OTOA: variants seen among roughly 807,000 people sequenced by gnomAD.
OTOA encodes the protein otoancorin.
In OTOA, 70 loss-of-function variants were observed where a neutral mutation model predicts 110.8. That is an observed-to-expected ratio of 0.63 (90% CI 0.52 to 0.77). The LOEUF (loss-of-function observed/expected upper bound fraction) is 0.77, where lower values mean the gene tolerates loss of function less well. Ranked by LOEUF, OTOA falls within the 30% of genes least tolerant of loss-of-function variation. The pLI is 0.00. For synonymous variants in OTOA, 373 were observed against 431.5 expected, an observed-to-expected ratio of 0.86 and a Z score of 1.68; for missense variants, 917 against 1,075.8, an observed-to-expected ratio of 0.85 and a Z score of 2.06.
intron 1 of OTOA, among the ~76,000 whole-genome samples, chr16:21,671,360 G>A (rs1046622284): frequency 1.3e-5 from 2 of 151,954 alleles, no homozygotes; most frequent in Non-Finnish European, 2.9e-5. Flanking sequence ...GCCAAAGTGG[G>A]TGGATCACTT....
chr16:21,710,135 C>T, intron 13 of OTOA, 32 bp downstream of exon 13: 1 of 1,559,832 alleles, frequency 6.4e-7, no homozygotes, highest in East Asian at 2.3e-5. Context: ...TTTTTTATTC[C>T]CCTAAGATGA....
intron 10 of OTOA, among the ~76,000 whole-genome samples, 194 bp downstream of exon 10, chr16:21,698,069 T>C (rs1363795682): frequency 6.6e-6 from 1 of 152,168 alleles, no homozygotes; most frequent in Non-Finnish European, 1.5e-5. Flanking sequence ...GGGATTGTTT[T>C]AGTGTGGAAG....
At chr16:21,734,665 T>C (rs925863620) in intron 21 of OTOA, among the ~76,000 whole-genome samples, 3 of 151,788 alleles carry the variant, frequency 2.0e-5, no homozygotes, top group Non-Finnish European at 4.4e-5. Flanking sequence ...TGAAACCCCG[T>C]CTCTACTAAA....
intron 9 of OTOA, among the ~76,000 whole-genome samples, chr16:21,692,376 TA>T (rs2141666259): frequency 6.6e-6 from 1 of 151,954 alleles, no homozygotes; most frequent in Admixed American, 6.6e-5. Flanking sequence ...TTAGGAAATC[TA>T]GGCAATAAAA....
In OTOA at chr16:21,664,191, GCC is replaced by G. The variant is rs1966822564; in HGVS notation, c.-44_-43del. 6.6e-6 allele frequency: 1 copy of G among 152,092 alleles called. No individual in the cohort carries two copies. Among genetic ancestry groups the G allele is most frequent in the South Asian group, 2.1e-4 (1 of 4,848 alleles). The allele number at this position is 152,092 out of a possible 1,614,324, so 9.4% of individuals were successfully genotyped here. A position where few individuals can be genotyped will look rare whatever the true frequency, so the allele number is the denominator to read the frequency against. On this transcript the variant is annotated 5_prime_UTR_variant, in exon 1 of 29. Coordinates refer to ENST00000646100, the MANE Select transcript of OTOA (RefSeq NM_144672.4). ...CCCGCGGCCCCGCCCTGCGCCACCC[GCC>G]CGCCCGTGGGACTCAGTGCGGCCAA...
At chr16:21,703,920 G>A (rs1469641868) in intron 11 of OTOA, among the ~76,000 whole-genome samples, 1 of 152,158 alleles carries the variant, frequency 6.6e-6, no homozygotes, top group Middle Eastern at 3.4e-3. Flanking sequence ...GATGTGCTAC[G>A]ATGAACAAAG....
In OTOA at chr16:21,705,293, G is replaced by T. The variant is rs1239011229; in HGVS notation, c.1104+1G>T. 6.2e-7 allele frequency: 1 copy of T among 1,613,700 alleles called. No individual in the cohort carries two copies. Among genetic ancestry groups the T allele is most frequent in the South Asian group, 1.1e-5 (1 of 91,048 alleles). On this transcript the variant is annotated splice_donor_variant, in intron 12 of 28. Coordinates refer to ENST00000646100, the MANE Select transcript of OTOA (RefSeq NM_144672.4). LOFTEE classifies it high-confidence loss of function. ...GGGCTTCCAGGCTGGCGTCCAGAAG[G>T]TACAGCTGGGGTGCAAGGCCCTGAG...
At chr16:21,691,783 C>A in intron 9 of OTOA, 96 bp downstream of exon 9, 2 of 1,193,968 alleles carry the variant, frequency 1.7e-6, no homozygotes, top group South Asian at 1.3e-5. Flanking sequence ...ATGTTGTTCT[C>A]TTCTGATTTT....
chr16:21,728,307 GC>G lies in OTOA; in HGVS notation c.2085del (p.Ile696SerfsTer32), dbSNP rs1898991964. ...GAACCTGCTGTGTCACTTGCCGGCA[GC>G]CATCATCGACAGGGGGATCTCCCCC... ...MGNLLCHLPA[A>X]IIDRGISPRA... On this transcript the variant is annotated frameshift_variant, in exon 20 of 29. Transcript: ENST00000646100. LOFTEE classifies it high-confidence loss of function. 6.2e-7 allele frequency: 1 copy of G among 1,614,074 alleles called. No individual in the cohort carries two copies. Among genetic ancestry groups the G allele is most frequent in the Non-Finnish European group, 8.5e-7 (1 of 1,180,036 alleles).
intron 1 of OTOA, among the ~76,000 whole-genome samples, chr16:21,671,872 C>T (rs1301953556): frequency 6.6e-6 from 1 of 152,120 alleles, no homozygotes; most frequent in Non-Finnish European, 1.5e-5. Flanking sequence ...ATGGCATCCA[C>T]CTGTAATCCC....
chr16:21,721,232 TACACACACACACACACACACACACAC>T (rs35961471), intron 17 of OTOA: 1 of 371,052 alleles, frequency 2.7e-6, no homozygotes, highest in Admixed American at 2.8e-5. Flanking sequence ...ACATAATTAT[TACACACACACACACACACACACACAC>T]ACACACACAC....
intron 1 of OTOA, among the ~76,000 whole-genome samples, chr16:21,667,522 C>T (rs1476908142): frequency 6.6e-6 from 1 of 151,498 alleles, no homozygotes; most frequent in African/African-American, 2.4e-5. Flanking sequence ...GGCGTAGTGG[C>T]GGGCGCCTGT....
At chr16:21,675,990 T>A (rs1966856926) in intron 1 of OTOA, among the ~76,000 whole-genome samples, 1 of 152,188 alleles carries the variant, frequency 6.6e-6, no homozygotes, top group Non-Finnish European at 1.5e-5. Context: ...TGCAGTGGCA[T>A]AATCATGGCT....
Position 21,722,919 on chromosome 16 carries a change from G to T in OTOA, c.1821G>T (p.Ala607=), listed in dbSNP as rs143993346. The change falls in exon 18 of 29, where the codon GCG becomes GCT. Residue 607 remains alanine (A), a synonymous_variant. Transcript: ENST00000646100. ...LLSPYQVNCL[A]WKYWEVSRLS... ...TAATCTTTCAGGTTAATTGTTTGGC[G>T]TGGAAATACTGGGAAGTTTCCAGAT... is the stretch of plus-strand genomic sequence containing the variant. 4 of 1,614,108 alleles carry T rather than the reference G, an allele frequency of 2.5e-6. No homozygotes were observed. In the East Asian group the frequency reaches 6.7e-5, roughly 27 times the overall value.
chr16:21,700,754 A>ACAT, intron 10 of OTOA, 134 bp from the exon 11 acceptor site: 1 of 1,035,800 alleles, frequency 9.7e-7, no homozygotes, highest in Non-Finnish European at 1.4e-6. Flanking sequence ...AGAAAAAAAG[A>ACAT]CATCAATGAC....
intron 12 of OTOA, among the ~76,000 whole-genome samples, chr16:21,707,431 T>C (rs1898198852): frequency 1.3e-5 from 2 of 151,932 alleles, no homozygotes; most frequent in Non-Finnish European, 1.5e-5. Context: ...GAAGACAATT[T>C]TTTGGCATCA....
At chr16:21,722,324 T>C (rs1320172671) in intron 17 of OTOA, among the ~76,000 whole-genome samples, 1 of 149,454 alleles carries the variant, frequency 6.7e-6, no homozygotes, top group Non-Finnish European at 1.5e-5. Flanking sequence ...TGTTTATATA[T>C]ATAGCTAAGA....
rs1899293999 is a variant in OTOA, at chr16:21,736,308, G to A, written c.2349G>A (p.Leu783=). The A allele has an allele frequency of 2.5e-6, 4 of 1,614,122 alleles. No individual in the cohort carries two copies. In the South Asian group the frequency reaches 3.3e-5, roughly 13 times the overall value. The change falls in exon 22 of 29, where the codon CTG becomes CTA. Residue 783 remains leucine, a synonymous_variant. Transcript: ENST00000646100. ...CAGCTTCCAAGATGGCCAGGACCCT[G>A]CCCACTAAAGAATTCCTCTGGGCTG... The part of the protein sequence containing the change: ...LQAASKMART[L]PTKEFLWAVF...
chr16:21,666,420 G>A (rs1271829602), intron 1 of OTOA, among the ~76,000 whole-genome samples: 1 of 152,002 alleles, frequency 6.6e-6, no homozygotes, highest in Non-Finnish European at 1.5e-5. Context: ...GAACCTCCTA[G>A]CATCTTTGCA....
Sources: allele counts gnomAD v4.1 joint callset (sites outside exome capture counted in the v4.1 genomes callset), GRCh38; gene constraint gnomAD v4.1.1; transcripts MANE v1.5; gene names NCBI Gene and HGNC (gene_info 2026-07-23, HGNC 2026-07-21).